The following HMGN3 variants were observed in gnomAD, a reference collection of about 807,000 sequenced individuals.
HMGN3 encodes high mobility group nucleosomal binding domain 3, also known as high mobility group nucleosome-binding domain-containing protein 3.
A neutral mutation model predicts 18.8 loss-of-function variants in HMGN3; 6 were observed. The observed-to-expected ratio is 0.32, with a 90% CI of 0.18 to 0.63. The LOEUF (loss-of-function observed/expected upper bound fraction) is 0.63. Among genes scored for constraint, HMGN3 ranks in the 30% least tolerant of loss-of-function variants. The pLI, the probability that HMGN3 is intolerant of heterozygous loss-of-function variation, is 0.79. For missense variants in HMGN3, 107 were observed against 114.2 expected, an observed-to-expected ratio of 0.94 and a Z score of 0.29; for synonymous variants, 40 against 36.5, an observed-to-expected ratio of 1.10 and a Z score of -0.35.
At chr6:79,212,846 A>C (rs1025932100) in intron 2 of HMGN3, among the ~76,000 whole-genome samples, 1 of 152,136 alleles carries the variant, frequency 6.6e-6, no homozygotes, top group African/African-American at 2.4e-5. Flanking sequence ...AAAATCAATC[A>C]ATCAATACAC....
chr6:79,224,061 T>C (rs371325800), intron 1 of HMGN3, among the ~76,000 whole-genome samples: 1 of 152,210 alleles, frequency 6.6e-6, no homozygotes, highest in Admixed American at 6.5e-5. Context: ...AAGGCAATGA[T>C]TGAAATGATT....
At chr6:79,203,706 C>T in intron 3 of HMGN3, 76 bp from the exon 4 acceptor site, 1 of 1,120,858 alleles carries the variant, frequency 8.9e-7, no homozygotes, top group South Asian at 1.4e-5. Flanking sequence ...CACAAAAGGA[C>T]TAACAAAGAC....
intron 2 of HMGN3, among the ~76,000 whole-genome samples, chr6:79,214,095 A>G (rs1305850242): frequency 6.6e-6 from 1 of 152,160 alleles, no homozygotes; most frequent in Non-Finnish European, 1.5e-5. Flanking sequence ...TTAAAACAAA[A>G]CATCTTTGAA....
intron 1 of HMGN3, chr6:79,234,319 C>T: frequency 2.4e-6 from 1 of 418,560 alleles, no homozygotes; most frequent in Non-Finnish European, 4.3e-6. Context: ...GAAGGGAAAC[C>T]GCGTCACTGG....
In HMGN3 at chr6:79,234,514, G is replaced by A. The variant is rs1401815046; in HGVS notation, c.15+32C>T. 1.9e-6 allele frequency: 3 copies of A among 1,606,136 alleles called. No individual in the cohort carries two copies. In the South Asian group the frequency reaches 3.3e-5, roughly 18 times the overall value. On this transcript the variant is annotated intron_variant, in intron 1 of 5. Coordinates refer to ENST00000344726, the Ensembl canonical transcript of HMGN3. ...GCATTTACTGTAAGCAGAATTTGAA[G>A]GCTTTTGAAATCTTTTTTTGGTAAG... is the stretch of plus-strand genomic sequence containing the variant.
At chr6:79,216,158 T>C (rs1463789893) in intron 1 of HMGN3, among the ~76,000 whole-genome samples, 1 of 152,172 alleles carries the variant, frequency 6.6e-6, no homozygotes, top group Non-Finnish European at 1.5e-5. Flanking sequence ...ATTAATATGA[T>C]GACCTAGTAA....
intron 1 of HMGN3, among the ~76,000 whole-genome samples, chr6:79,226,905 C>T (rs1777590481): frequency 6.6e-6 from 1 of 152,128 alleles, no homozygotes; most frequent in Non-Finnish European, 1.5e-5. Context: ...TGACCAAGAA[C>T]CCCTACGTGA....
At chr6:79,233,177 T>C (rs1051216388) in intron 1 of HMGN3, among the ~76,000 whole-genome samples, 1 of 152,178 alleles carries the variant, frequency 6.6e-6, no homozygotes, top group Admixed American at 6.5e-5. Context: ...TGTCTTTAAG[T>C]CCCAGCTGAA....
At chr6:79,218,855 C>T (rs1388362617) in intron 1 of HMGN3, among the ~76,000 whole-genome samples, 1 of 152,120 alleles carries the variant, frequency 6.6e-6, no homozygotes, top group African/African-American at 2.4e-5. Flanking sequence ...AAAGCAGGCT[C>T]ATTGAAATAA....
intron 1 of HMGN3, among the ~76,000 whole-genome samples, chr6:79,231,679 C>A (rs1299032974): frequency 6.6e-6 from 1 of 152,172 alleles, no homozygotes; most frequent in African/African-American, 2.4e-5. Context: ...AAGATACAAT[C>A]AGGAGACACA....
chr6:79,218,797 T>C (rs545912680), intron 1 of HMGN3, among the ~76,000 whole-genome samples: 1 of 152,318 alleles, frequency 6.6e-6, no homozygotes, highest in East Asian at 1.9e-4. Context: ...GTATGTTTTA[T>C]ATTAAAATGT....
chr6:79,207,136 T>C (rs975646296), intron 3 of HMGN3, among the ~76,000 whole-genome samples: 11 of 152,144 alleles, frequency 7.2e-5, no homozygotes, highest in Non-Finnish European at 1.3e-4. Flanking sequence ...CTTTGGACTT[T>C]TGAGTTAATG....
intron 3 of HMGN3, among the ~76,000 whole-genome samples, chr6:79,205,753 A>C (rs1190955228): frequency 6.6e-6 from 1 of 152,218 alleles, no homozygotes; most frequent in Non-Finnish European, 1.5e-5. Context: ...GCTCAGAAGA[A>C]GACAAGAAAA....
chr6:79,223,739 C>CTTTT (rs11461795), intron 1 of HMGN3, among the ~76,000 whole-genome samples: 9,540 of 147,442 alleles, frequency 0.065, 340 homozygotes, highest in South Asian at 0.099. Context: ...CTAGAGTTAC[C>CTTTT]TTTTTTTTTT....
At chr6:79,230,405 C>T (rs186306997) in intron 1 of HMGN3, among the ~76,000 whole-genome samples, 25 of 152,168 alleles carry the variant, frequency 1.6e-4, no homozygotes, top group Middle Eastern at 6.8e-3. Flanking sequence ...TTGTATACTT[C>T]GAATGGATGA....
intron 2 of HMGN3, among the ~76,000 whole-genome samples, chr6:79,211,562 C>T (rs1776694602): frequency 6.7e-6 from 1 of 149,604 alleles, no homozygotes; most frequent in Non-Finnish European, 1.5e-5. Context: ...CCCTTCCTTG[C>T]TTTGTTTTCC....
At chr6:79,204,779 A>G (rs1776331431) in intron 3 of HMGN3, among the ~76,000 whole-genome samples, 2 of 152,236 alleles carry the variant, frequency 1.3e-5, no homozygotes, top group Admixed American at 1.3e-4. Flanking sequence ...TCAAATAAAA[A>G]AAGAAAATCG....
intron 1 of HMGN3, among the ~76,000 whole-genome samples, chr6:79,230,547 T>C (rs1170884409): frequency 2.6e-5 from 4 of 152,198 alleles, no homozygotes; most frequent in African/African-American, 7.2e-5. Context: ...TTAAACCAGA[T>C]TGGTTATTTT....
intron 2 of HMGN3, among the ~76,000 whole-genome samples, chr6:79,211,744 T>C (rs1776701214): frequency 6.6e-6 from 1 of 152,170 alleles, no homozygotes; most frequent in Non-Finnish European, 1.5e-5. Context: ...CATCATCCCA[T>C]AGGCATGATC....
Sources: gnomAD v4.1 joint callset for allele counts (sites outside exome capture counted in the v4.1 genomes callset) on GRCh38, gnomAD v4.1.1 for gene constraint, MANE v1.5 for transcripts, NCBI Gene and HGNC (gene_info 2026-07-23, HGNC 2026-07-21) for gene names.